The following PRDM16 variants were observed in gnomAD, a reference collection of about 807,000 sequenced individuals.
PRDM16 encodes histone-lysine N-methyltransferase PRDM16.
Under a neutral mutation model 110.6 loss-of-function variants are expected in PRDM16, and 23 were observed. That is an observed-to-expected ratio of 0.21 (90% CI 0.15 to 0.29). The LOEUF (loss-of-function observed/expected upper bound fraction) is 0.29. Among genes scored for constraint, PRDM16 ranks in the 10% least tolerant of loss-of-function variants. The pLI, the probability that PRDM16 is intolerant of heterozygous loss-of-function variation, is 1.00. For synonymous variants in PRDM16, 799 were observed against 781.8 expected, an observed-to-expected ratio of 1.02 and a Z score of -0.37; for missense variants, 1,615 against 1,794.3, an observed-to-expected ratio of 0.90 and a Z score of 1.81.
intron 2 of PRDM16, among the ~76,000 whole-genome samples, chr1:3,216,130 T>A (rs1639026694): frequency 6.6e-6 from 1 of 152,132 alleles, no homozygotes; most frequent in African/African-American, 2.4e-5. Flanking sequence ...TTTACTGTAA[T>A]TCGGGCTGGC....
intron 1 of PRDM16, among the ~76,000 whole-genome samples, chr1:3,114,520 A>C (rs781540549): frequency 3.3e-5 from 5 of 151,934 alleles, no homozygotes; most frequent in African/African-American, 7.3e-5. Context: ...ACACACATGA[A>C]CACACGCACA....
chr1:3,221,836 T>A (rs542884385), intron 2 of PRDM16, among the ~76,000 whole-genome samples: 2 of 152,358 alleles, frequency 1.3e-5, no homozygotes, highest in African/African-American at 4.8e-5. Flanking sequence ...CACACAGATG[T>A]CCACACACAT....
intron 3 of PRDM16, among the ~76,000 whole-genome samples, chr1:3,295,899 G>A (rs983660652): frequency 1.3e-5 from 2 of 152,098 alleles, no homozygotes; most frequent in Non-Finnish European, 2.9e-5. Context: ...TAACTGGGGC[G>A]TGACACCTCT....
rs1186698051 is a variant in PRDM16, at chr1:3,290,224, C to T, written c.438+46087C>T. Among the ~76,000 whole-genome samples the T allele has an allele frequency of 2.0e-5, 3 of 152,188 alleles. No homozygotes were observed. Among genetic ancestry groups the T allele is most frequent in the Non-Finnish European group, 4.4e-5 (3 of 68,032 alleles). ...GCTCCCCTTGAGGTGGGCAGGTTTCCAGGCATTTGGAAGTAGACATGGGAA... is the reference window on the plus strand; with the variant it reads ...GCTCCCCTTGAGGTGGGCAGGTTTCTAGGCATTTGGAAGTAGACATGGGAA... On this transcript the variant is annotated intron_variant, in intron 3 of 16. Coordinates refer to ENST00000270722, the MANE Select transcript of PRDM16 (RefSeq NM_022114.4). This position sits in a 1 kb window ranked among gnomAD's most constrained non-coding sequence, Gnocchi z 4.8.
At chr1:3,117,630 C>T (rs1209366326) in intron 1 of PRDM16, among the ~76,000 whole-genome samples, 1 of 152,042 alleles carries the variant, frequency 6.6e-6, no homozygotes, top group Non-Finnish European at 1.5e-5. Flanking sequence ...GGCCCATCTC[C>T]AGGGTGAGGA....
chr1:3,250,697 A>C (rs1201650068), intron 3 of PRDM16, among the ~76,000 whole-genome samples: 1 of 152,198 alleles, frequency 6.6e-6, no homozygotes, highest in African/African-American at 2.4e-5. Context: ...CTGAGGGTGC[A>C]GGGGGCTCAG....
intron 1 of PRDM16, among the ~76,000 whole-genome samples, chr1:3,129,566 T>C (rs1351265570): frequency 6.6e-6 from 1 of 152,076 alleles, no homozygotes; most frequent in Non-Finnish European, 1.5e-5. Flanking sequence ...GGGCAGACCC[T>C]CCCTGCTGGG....
At position 3,175,510 on chromosome 1, in the gene PRDM16, A is replaced by G. The variant is rs1644074636; in HGVS notation, c.38-10615A>G. ...TCACTGCTCATGGGGACTCATAGGC[A>G]CCCAGTTGGGGGAACATTCTCCAGG... On this transcript the variant is annotated intron_variant, in intron 1 of 16. Coordinates refer to ENST00000270722, the MANE Select transcript of PRDM16 (RefSeq NM_022114.4). The surrounding 1 kb of genome is among the most constrained non-coding windows in gnomAD (Gnocchi z 4.8). 6.6e-6 allele frequency among the ~76,000 whole-genome samples: 1 copy of G among 152,020 alleles called. No homozygotes were observed. The highest frequency in any genetic ancestry group is 1.5e-5 in the Non-Finnish European group (1 of 68,004).
chr1:3,349,701 C>T (rs1191472701), intron 3 of PRDM16, among the ~76,000 whole-genome samples: 2 of 152,150 alleles, frequency 1.3e-5, no homozygotes, highest in Non-Finnish European at 2.9e-5. Context: ...CACTCCAATG[C>T]ACCCCGGCTT....
At chr1:3,303,584 A>G (rs1641251922) in intron 3 of PRDM16, among the ~76,000 whole-genome samples, 1 of 152,198 alleles carries the variant, frequency 6.6e-6, no homozygotes, top group Admixed American at 6.5e-5. Flanking sequence ...TATTCTTAGG[A>G]ATGGCATTAC....
intron 1 of PRDM16, among the ~76,000 whole-genome samples, chr1:3,092,671 C>T (rs1234056791): frequency 2.6e-5 from 4 of 152,160 alleles, no homozygotes; most frequent in Non-Finnish European, 2.9e-5. Context: ...TGCTGGATGG[C>T]GCCTGGGTGC....
Position 3,426,223 on chromosome 1 carries a change from A to G in PRDM16, c.3282A>G (p.Lys1094=). 3 of 1,612,254 alleles carry G rather than the reference A, an allele frequency of 1.9e-6. No homozygotes were observed. The highest frequency in any genetic ancestry group is 2.5e-6 in the Non-Finnish European group (3 of 1,178,690). ...EMNQASTRTE[K]RADMQIVDGS... ...ACCAAGCATCAACGCGAACAGAGAA[A>G]CGGTAAGAAAACTATCGCGGGCTGG... The change falls in exon 14 of 17, where the codon AAA becomes AAG. Residue 1094 remains lysine (K), a splice_region_variant and synonymous_variant. Coordinates refer to ENST00000270722, the MANE Select transcript of PRDM16 (RefSeq NM_022114.4).
intron 1 of PRDM16, among the ~76,000 whole-genome samples, chr1:3,073,439 T>C (rs1641814597): frequency 6.6e-6 from 1 of 152,254 alleles, no homozygotes; most frequent in African/African-American, 2.4e-5. Flanking sequence ...TAGCGTTAAA[T>C]ACAATTTATC....
At chr1:3,258,677 T>C (rs1557562897) in intron 3 of PRDM16, among the ~76,000 whole-genome samples, 1 of 152,152 alleles carries the variant, frequency 6.6e-6, no homozygotes, top group East Asian at 1.9e-4. Flanking sequence ...AATTATCACA[T>C]AAAAAGAGTC....
At chr1:3,257,341 A>C (rs1165668287) in intron 3 of PRDM16, among the ~76,000 whole-genome samples, 5 of 152,094 alleles carry the variant, frequency 3.3e-5, no homozygotes, top group Admixed American at 6.5e-5. Context: ...CAGGCCGGTG[A>C]GTATGAGGGA....
At chr1:3,250,436 CAACTTTATCAATGT>C (rs1317801572) in intron 3 of PRDM16, among the ~76,000 whole-genome samples, 2 of 152,062 alleles carry the variant, frequency 1.3e-5, no homozygotes, top group African/African-American at 4.8e-5. Context: ...GGCTGGGTGA[CAACTTTATCAATGT>C]AACCCTTTTG....
chr1:3,236,179 A>C (rs1639537653), intron 2 of PRDM16, among the ~76,000 whole-genome samples: 2 of 152,132 alleles, frequency 1.3e-5, no homozygotes, highest in African/African-American at 4.8e-5. Context: ...TGCTAGAGGC[A>C]GAGGGCAGAG....
At chr1:3,254,074 T>C (rs926879341) in intron 3 of PRDM16, among the ~76,000 whole-genome samples, 5 of 152,206 alleles carry the variant, frequency 3.3e-5, no homozygotes, top group African/African-American at 7.2e-5. Flanking sequence ...TCTTGTAAAT[T>C]TGTTTGAGTT....
intron 3 of PRDM16, among the ~76,000 whole-genome samples, chr1:3,275,069 A>T (rs1443488923): frequency 6.6e-6 from 1 of 152,238 alleles, no homozygotes; most frequent in East Asian, 1.9e-4. Context: ...GCTGGCTCCC[A>T]GGTGCGCCTG....
Sources: gnomAD v4.1 joint callset for allele counts (sites outside exome capture counted in the v4.1 genomes callset) on GRCh38, gnomAD v4.1.1 for gene constraint, Gnocchi (gnomAD v3.1) non-coding constraint, MANE v1.5 for transcripts, NCBI Gene and HGNC (gene_info 2026-07-23, HGNC 2026-07-21) for gene names.